NAT1: variants seen among roughly 807,000 people sequenced by gnomAD.
The protein encoded by NAT1 is arylamine N-acetyltransferase 1.
For missense variants in NAT1, 400 were observed against 339.2 expected (o/e 1.18, Z -1.41); for synonymous variants, 144 against 122.6 (o/e 1.17, Z -1.16).
At chr8:18,220,487 T>C (rs2117420458) in intron 2 of NAT1, among the ~76,000 whole-genome samples, 1 of 152,126 alleles carries the variant, frequency 6.6e-6, no homozygotes, top group East Asian at 1.9e-4. Context: ...AATCATAGTC[T>C]CAAAAGGTTA....
upstream of NAT1, among the ~76,000 whole-genome samples, chr8:18,206,437 C>T (rs2117310915): frequency 6.6e-6 from 1 of 152,306 alleles, no homozygotes; most frequent in East Asian, 1.9e-4. Context: ...AAACTTCTTA[C>T]TGTTAATGTG....
intron 2 of NAT1, among the ~76,000 whole-genome samples, chr8:18,193,246 T>G (rs769426582): frequency 3.3e-5 from 5 of 149,416 alleles, no homozygotes; most frequent in Non-Finnish European, 5.9e-5. Flanking sequence ...CCTGGCTAAT[T>G]TTTAAAAATT....
At chr8:18,212,457 C>A (rs1401160211) in intron 1 of NAT1, 1 of 152,258 alleles carries the variant, frequency 6.6e-6, no homozygotes, top group Non-Finnish European at 1.5e-5. Flanking sequence ...AGACAAGAAT[C>A]CATGTGTGTG....
intron 2 of NAT1, among the ~76,000 whole-genome samples, chr8:18,197,642 T>A (rs1410453849): frequency 2.0e-5 from 3 of 152,186 alleles, no homozygotes; most frequent in African/African-American, 7.2e-5. Flanking sequence ...CTCTTAAAAC[T>A]TGGTGTGGCG....
intron 2 of NAT1, among the ~76,000 whole-genome samples, chr8:18,190,460 G>C (rs1262619381): frequency 6.6e-6 from 1 of 152,254 alleles, no homozygotes; most frequent in Admixed American, 6.5e-5. Flanking sequence ...AATGAGAAGA[G>C]TGTTTCCTCT....
intron 1 of NAT1, chr8:18,217,003 C>A: frequency 6.5e-7 from 1 of 1,538,206 alleles, no homozygotes; most frequent in Admixed American, 2.0e-5. Flanking sequence ...GGGTCAGTAC[C>A]CTGGATGCAG....
intron 1 of NAT1, among the ~76,000 whole-genome samples, chr8:18,211,812 G>GGAAAAGAAAAGAAAA (rs10539622): frequency 1.3e-4 from 19 of 150,314 alleles, no homozygotes; most frequent in African/African-American, 4.7e-4. Context: ...AGAAGGAATA[G>GGAAAAGAAAAGAAAA]GAAAAGAAAA....
At chr8:18,220,114 G>A (rs1805131075) in intron 2 of NAT1, among the ~76,000 whole-genome samples, 1 of 152,150 alleles carries the variant, frequency 6.6e-6, no homozygotes, top group South Asian at 2.1e-4. Context: ...GCAGAGAGGG[G>A]TTGGCATTGT....
intron 2 of NAT1, among the ~76,000 whole-genome samples, chr8:18,177,472 A>G (rs1041714431): frequency 2.0e-5 from 3 of 152,084 alleles, no homozygotes; most frequent in African/African-American, 4.8e-5. Context: ...AAATTGCTTT[A>G]TTTTTATAAG....
At chr8:18,199,276 T>C (rs1335650702) in intron 2 of NAT1, among the ~76,000 whole-genome samples, 3 of 145,500 alleles carry the variant, frequency 2.1e-5, no homozygotes, top group Non-Finnish European at 4.5e-5. Flanking sequence ...ACTGCAACAC[T>C]GCACTCCAGC....
At chr8:18,218,197 C>T (rs28359511) in intron 1 of NAT1, among the ~76,000 whole-genome samples, 1 of 152,166 alleles carries the variant, frequency 6.6e-6, no homozygotes, top group Non-Finnish European at 1.5e-5. Flanking sequence ...GATGTTTCAA[C>T]ACTACTAGTA....
At chr8:18,211,652 CTG>C (rs1804114732) in intron 1 of NAT1, among the ~76,000 whole-genome samples, 1 of 152,134 alleles carries the variant, frequency 6.6e-6, no homozygotes, top group Admixed American at 6.5e-5. Context: ...ACAAGAACAA[CTG>C]TTGAATGATG....
rs1388329479 is a variant in NAT1, at chr8:18,196,458, A to C, written n.93-13323A>C. Among the ~76,000 whole-genome samples, 4 of 152,194 alleles carry C rather than the reference A, an allele frequency of 2.6e-5. No individual in the cohort carries two copies. The East Asian group carries it at 7.7e-4, about 29-fold the overall frequency. Reference sequence around the variant, plus strand: ...AAAGCCACCCACCAAACACAGGACAAACATGAAAGTAGATGATGACAGACT... The same window carrying C: ...AAAGCCACCCACCAAACACAGGACACACATGAAAGTAGATGATGACAGACT... On this transcript the variant is annotated intron_variant and non_coding_transcript_variant, in intron 2 of 4. Transcript: ENST00000517441.
chr8:18,183,528 G>A (rs1802605704), intron 2 of NAT1, among the ~76,000 whole-genome samples: 1 of 152,166 alleles, frequency 6.6e-6, no homozygotes, highest in Admixed American at 6.5e-5. Flanking sequence ...CCTTACCCAT[G>A]TAGTGTCTTA....
intron 2 of NAT1, among the ~76,000 whole-genome samples, chr8:18,188,772 G>A (rs2117248074): frequency 6.6e-6 from 1 of 151,696 alleles, no homozygotes; most frequent in East Asian, 1.9e-4. Flanking sequence ...TGAGGCGGGT[G>A]GATCATGAGG....
At chr8:18,200,482 A>G in intron 2 of NAT1, among the ~76,000 whole-genome samples, 1 of 152,188 alleles carries the variant, frequency 6.6e-6, no homozygotes, top group East Asian at 1.9e-4. Context: ...GGCACTAAAC[A>G]TTGAGTACAC....
chr8:18,183,558 A>G (rs2117228656), intron 2 of NAT1, among the ~76,000 whole-genome samples: 1 of 152,324 alleles, frequency 6.6e-6, no homozygotes. Flanking sequence ...AGAGATAAAT[A>G]GCCCTGAGGA....
At chr8:18,190,861 G>A (rs763303747) in intron 2 of NAT1, among the ~76,000 whole-genome samples, 2 of 152,164 alleles carry the variant, frequency 1.3e-5, no homozygotes, top group Non-Finnish European at 2.9e-5. Flanking sequence ...GAGATCAGGA[G>A]TTCCAGACCA....
chr8:18,192,786 A>G (rs1027290812), intron 2 of NAT1, among the ~76,000 whole-genome samples: 1 of 151,826 alleles, frequency 6.6e-6, no homozygotes, highest in Non-Finnish European at 1.5e-5. Flanking sequence ...TGGGAATTGA[A>G]CAACGAGAAC....
Sources: allele counts gnomAD v4.1 joint callset (sites outside exome capture counted in the v4.1 genomes callset), GRCh38; gene constraint gnomAD v4.1.1; transcripts MANE v1.5; gene names NCBI Gene and HGNC (gene_info 2026-07-23, HGNC 2026-07-21).